The following PLPPR5 variants were observed in gnomAD, a reference collection of about 807,000 sequenced individuals.
PLPPR5 encodes the protein phospholipid phosphatase-related protein type 5.
Under a neutral mutation model 33.9 loss-of-function variants are expected in PLPPR5, and 16 were observed. That is an observed-to-expected ratio of 0.47 (90% CI 0.32 to 0.72). PLPPR5 has a LOEUF of 0.72. Among genes scored for constraint, PLPPR5 ranks in the 30% least tolerant of loss-of-function variants. The probability of loss-of-function intolerance (pLI) is 0.03; values close to 1 mark genes in which losing one functional copy is unlikely to be tolerated. For synonymous variants in PLPPR5, 163 were observed against 150.3 expected, an observed-to-expected ratio of 1.08 and a Z score of -0.62; for missense variants, 301 against 406.7, an observed-to-expected ratio of 0.74 and a Z score of 2.23.
chr1:98,985,624 C>T (rs933002129), intron 1 of PLPPR5, among the ~76,000 whole-genome samples: 1 of 151,958 alleles, frequency 6.6e-6, no homozygotes, highest in Non-Finnish European at 1.5e-5. Flanking sequence ...ATGATAATTG[C>T]CCTATACAGG....
chr1:98,914,182 A>G (rs1012189713), intron 5 of PLPPR5, among the ~76,000 whole-genome samples: 2 of 152,226 alleles, frequency 1.3e-5, no homozygotes, highest in East Asian at 1.9e-4. Flanking sequence ...TATTTTTCCT[A>G]TGTGTGAGAC....
At chr1:98,947,053 T>G (rs1650583452) in intron 3 of PLPPR5, among the ~76,000 whole-genome samples, 1 of 152,150 alleles carries the variant, frequency 6.6e-6, no homozygotes, top group Non-Finnish European at 1.5e-5. Context: ...CCTCTTTTCT[T>G]AATTAGAATG....
intron 4 of PLPPR5, among the ~76,000 whole-genome samples, chr1:98,919,250 T>C (rs1157928690): frequency 6.6e-6 from 1 of 152,156 alleles, no homozygotes; most frequent in Non-Finnish European, 1.5e-5. Context: ...AATATTTTTA[T>C]AGTGGAAATT....
intron 5 of PLPPR5, among the ~76,000 whole-genome samples, chr1:98,904,221 T>A (rs1026453929): frequency 1.1e-4 from 16 of 150,852 alleles, no homozygotes; most frequent in Middle Eastern, 3.5e-3. Context: ...ATCCTAAGTA[T>A]AAAACTGAAT....
At position 99,003,985 on chromosome 1, in the gene PLPPR5, C is replaced by A. The variant is rs555916384; in HGVS notation, c.237+450G>T. The stretch of plus-strand genomic sequence containing the variant: ...GTGCCCCGACTCGGGAAGTGGGAGT[C>A]CCTTTCACACCCCAGCAATTGATCC... On this transcript the variant is annotated intron_variant, in intron 1 of 5. Coordinates refer to ENST00000263177, the MANE Select transcript of PLPPR5 (RefSeq NM_001037317.2). 5.3e-5 allele frequency among the ~76,000 whole-genome samples: 8 copies of A among 152,184 alleles called. No homozygotes were observed. In the South Asian group the frequency reaches 1.7e-3, roughly 32 times the overall value.
intron 1 of PLPPR5, among the ~76,000 whole-genome samples, chr1:98,974,356 A>C (rs2100746397): frequency 6.6e-6 from 1 of 152,212 alleles, no homozygotes; most frequent in Middle Eastern, 3.4e-3. Flanking sequence ...AAAGCACAAA[A>C]CTTTTTCACA....
rs542889518 is a variant in PLPPR5, at chr1:98,940,232, C to G, written c.621+12838G>C. The stretch of plus-strand genomic sequence containing the variant: ...ATGAGGGTGCTGGCATACTTGAGTA[C>G]TGGTGTGGGCTCTATGTGGCTTGCA... On this transcript the variant is annotated intron_variant, in intron 3 of 5. Coordinates refer to ENST00000263177, the MANE Select transcript of PLPPR5 (RefSeq NM_001037317.2). Among the ~76,000 whole-genome samples, 6 of 151,912 alleles carry G rather than the reference C, an allele frequency of 3.9e-5. No homozygotes were observed. The East Asian group carries it at 9.7e-4, about 24-fold the overall frequency.
chr1:98,896,142 T>C (rs1384275040), intron 5 of PLPPR5, among the ~76,000 whole-genome samples: 1 of 151,964 alleles, frequency 6.6e-6, no homozygotes, highest in African/African-American at 2.4e-5. Context: ...TGATGGTACA[T>C]TATACAACTT....
At chr1:98,935,396 T>C (rs773087139) in intron 3 of PLPPR5, among the ~76,000 whole-genome samples, 5 of 152,138 alleles carry the variant, frequency 3.3e-5, no homozygotes, top group Non-Finnish European at 5.9e-5. Flanking sequence ...TCTGTACAAG[T>C]GGGAGAGGAG....
At chr1:99,000,049 G>C (rs1004247667) in intron 1 of PLPPR5, among the ~76,000 whole-genome samples, 1 of 152,040 alleles carries the variant, frequency 6.6e-6, no homozygotes, top group African/African-American at 2.4e-5. Flanking sequence ...ATCCAAATTT[G>C]GGGAGCAGAA....
intron 2 of PLPPR5, 71 bp from the exon 3 acceptor site, chr1:98,953,391 G>A: frequency 6.5e-7 from 1 of 1,536,578 alleles, no homozygotes; most frequent in Non-Finnish European, 8.7e-7. Context: ...GTGTGTGTGT[G>A]TGTGAATTTC....
chr1:98,946,965 G>A (rs1195629372), intron 3 of PLPPR5, among the ~76,000 whole-genome samples: 1 of 151,870 alleles, frequency 6.6e-6, no homozygotes, highest in African/African-American at 2.4e-5. Context: ...GGTGGAAGGG[G>A]CCCATGAAGG....
chr1:98,899,197 T>G (rs1310234794), intron 5 of PLPPR5, among the ~76,000 whole-genome samples: 1 of 152,142 alleles, frequency 6.6e-6, no homozygotes, highest in African/African-American at 2.4e-5. Flanking sequence ...TGAGAACCAC[T>G]GTGTCAGAGG....
chr1:98,949,416 A>G (rs1650690367), intron 3 of PLPPR5, among the ~76,000 whole-genome samples: 1 of 152,224 alleles, frequency 6.6e-6, no homozygotes, highest in African/African-American at 2.4e-5. Flanking sequence ...AAGAGGCATC[A>G]GAAACATATT....
At chr1:98,982,421 A>G (rs1652088530) in intron 1 of PLPPR5, among the ~76,000 whole-genome samples, 1 of 152,102 alleles carries the variant, frequency 6.6e-6, no homozygotes, top group Non-Finnish European at 1.5e-5. Context: ...TAGCCAGAAG[A>G]GTTAATGGCC....
Position 98,953,291 on chromosome 1 carries a change from C to T in PLPPR5, c.400G>A (p.Asp134Asn). The T allele has an allele frequency of 6.2e-7, 1 of 1,613,158 alleles. No individual in the cohort carries two copies. Among genetic ancestry groups the T allele is most frequent in the Non-Finnish European group, 8.5e-7 (1 of 1,179,858 alleles). Residue 134 changes from aspartate to asparagine, a missense_variant, in exon 3 of 6, where the codon GAT becomes AAT. Coordinates refer to ENST00000263177, the MANE Select transcript of PLPPR5 (RefSeq NM_001037317.2). ...GIYTFGLFAT[D>N]IFVNAGQVVT... is the part of the protein sequence containing the mutation. ...ACTTGTCCAGCATTTACAAAGATATCTGTAGCAAACAGTCCAAATGTATAA... is the reference window on the plus strand; with the variant it reads ...ACTTGTCCAGCATTTACAAAGATATTTGTAGCAAACAGTCCAAATGTATAA...
Position 99,000,237 on chromosome 1 carries a change from C to T in PLPPR5, c.237+4198G>A, listed in dbSNP as rs528405796. 1.1e-4 allele frequency among the ~76,000 whole-genome samples: 16 copies of T among 152,170 alleles called. No homozygotes were observed. In the South Asian group the frequency reaches 1.9e-3, roughly 18 times the overall value. ...TCTGTAAATAAGCCCAAATTACAGG[C>T]GTTTTCTGAAAATGCAATTGAAGTA... On this transcript the variant is annotated intron_variant, in intron 1 of 5. Transcript: ENST00000263177.
rs538078465 is a variant in PLPPR5, at chr1:98,890,770, T to G, written c.*2302A>C. The G allele has an allele frequency of 2.6e-5, 4 of 152,712 alleles. 1 individual carries two copies. In the South Asian group the frequency reaches 8.3e-4, roughly 32 times the overall value. 9.5% of individuals were successfully genotyped at this position (152,712 alleles called of 1,614,324 possible). ...GTATCTTGCCTTTTTCATCTGAATTTTCTTCATGACAGCATCACTCACTGT... is the reference window on the plus strand; with the variant it reads ...GTATCTTGCCTTTTTCATCTGAATTGTCTTCATGACAGCATCACTCACTGT... On this transcript the variant is annotated 3_prime_UTR_variant, in exon 6 of 6. Transcript: ENST00000263177.
intron 1 of PLPPR5, among the ~76,000 whole-genome samples, chr1:98,964,021 T>C (rs2101233651): frequency 6.6e-6 from 1 of 152,306 alleles, no homozygotes; most frequent in Non-Finnish European, 1.5e-5. Flanking sequence ...TTTCTCACCT[T>C]TATCAAGAAG....
Sources: allele counts gnomAD v4.1 joint callset (sites outside exome capture counted in the v4.1 genomes callset), GRCh38; gene constraint gnomAD v4.1.1; transcripts MANE v1.5; gene names NCBI Gene and HGNC (gene_info 2026-07-23, HGNC 2026-07-21).